Variants in CEMIP observed in about 807,000 individuals in gnomAD.
The protein encoded by CEMIP is cell migration-inducing and hyaluronan-binding protein.
A neutral mutation model predicts 156.9 loss-of-function variants in CEMIP; 105 were observed. The ratio of observed to expected loss-of-function variants is 0.67; its 90% CI spans 0.57 to 0.79. The LOEUF is 0.79. Ranked by LOEUF, CEMIP falls within the 30% of genes least tolerant of loss-of-function variation. CEMIP has a pLI of 0.00. For missense variants in CEMIP, 1,457 were observed against 1,769.4 expected, an observed-to-expected ratio of 0.82 and a Z score of 3.17; for synonymous variants, 676 against 668.4, an observed-to-expected ratio of 1.01 and a Z score of -0.17.
intron 1 of CEMIP, among the ~76,000 whole-genome samples, chr15:80,831,425 C>T (rs559395435): frequency 5.3e-5 from 8 of 152,198 alleles, no homozygotes; most frequent in South Asian, 2.1e-4. Context: ...CTTCCCAAGC[C>T]GCTGATTCCA....
At chr15:80,795,280 C>G (rs1482298772) in intron 1 of CEMIP, among the ~76,000 whole-genome samples, 1 of 151,982 alleles carries the variant, frequency 6.6e-6, no homozygotes, top group Non-Finnish European at 1.5e-5. Flanking sequence ...TGGCTGCTCT[C>G]TGTCTGGGTA....
At chr15:80,781,525 G>A (rs1426149328) in intron 1 of CEMIP, among the ~76,000 whole-genome samples, 1 of 152,114 alleles carries the variant, frequency 6.6e-6, no homozygotes, top group African/African-American at 2.4e-5. Flanking sequence ...ACTGGATGGG[G>A]CTCTTTTTGT....
chr15:80,886,391 T>G (rs1898839423), intron 7 of CEMIP, among the ~76,000 whole-genome samples: 1 of 152,302 alleles, frequency 6.6e-6, no homozygotes, highest in Non-Finnish European at 1.5e-5. Context: ...GGGGAGCTAC[T>G]GAAGGATTTA....
At chr15:80,830,661 C>T (rs1490576600) in intron 1 of CEMIP, among the ~76,000 whole-genome samples, 3 of 152,130 alleles carry the variant, frequency 2.0e-5, no homozygotes, top group Non-Finnish European at 4.4e-5. Context: ...TTTCTTTCAT[C>T]TTGTGAGCTC....
At chr15:80,848,903 C>CACACAT (rs1245790241) in intron 1 of CEMIP, among the ~76,000 whole-genome samples, 1 of 146,896 alleles carries the variant, frequency 6.8e-6, no homozygotes, top group African/African-American at 2.5e-5. Context: ...TGCGCGTGCA[C>CACACAT]ACACACACAC....
chr15:80,867,850 G>A (rs1433300064), intron 1 of CEMIP, among the ~76,000 whole-genome samples: 2 of 152,184 alleles, frequency 1.3e-5, no homozygotes, highest in Non-Finnish European at 2.9e-5. Context: ...GGAACAAGTG[G>A]CAGATGGAGG....
At chr15:80,829,990 G>GTGTGTT (rs71153552) in intron 1 of CEMIP, among the ~76,000 whole-genome samples, 27,978 of 149,214 alleles carry the variant, frequency 0.19, 2,981 homozygotes, top group East Asian at 0.36. Flanking sequence ...GTGTGTGTGT[G>GTGTGTT]TGTGTGTGTG....
intron 1 of CEMIP, among the ~76,000 whole-genome samples, chr15:80,845,982 C>T (rs529116208): frequency 1.2e-4 from 18 of 152,276 alleles, no homozygotes; most frequent in African/African-American, 3.4e-4. Context: ...GTTCTGGGCA[C>T]GCATGCCCTC....
intron 1 of CEMIP, among the ~76,000 whole-genome samples, chr15:80,839,285 C>CATGA (rs1897333152): frequency 1.7e-5 from 1 of 60,052 alleles, no homozygotes; most frequent in Non-Finnish European, 2.9e-5. Context: ...GAGTCAAGGC[C>CATGA]GTGAGTGTGT....
intron 23 of CEMIP, among the ~76,000 whole-genome samples, chr15:80,934,716 G>A (rs1486621627): frequency 1.3e-5 from 2 of 152,122 alleles, no homozygotes; most frequent in Non-Finnish European, 2.9e-5. Context: ...GAAGGAAAAG[G>A]GCCATAAGGG....
At chr15:80,877,804 C>G (rs1255215744) in intron 3 of CEMIP, among the ~76,000 whole-genome samples, 2 of 152,230 alleles carry the variant, frequency 1.3e-5, no homozygotes, top group African/African-American at 2.4e-5. Flanking sequence ...AACATTCACA[C>G]TGGTGACCAC....
chr15:80,809,978 C>A (rs1208642835), intron 1 of CEMIP, among the ~76,000 whole-genome samples: 1 of 152,174 alleles, frequency 6.6e-6, no homozygotes. Flanking sequence ...ATATCCGTAT[C>A]TTAAAGTCAA....
chr15:80,920,387 C>A, intron 15 of CEMIP, 88 bp downstream of exon 15: 1 of 1,241,604 alleles, frequency 8.1e-7, no homozygotes, highest in South Asian at 1.4e-5. Context: ...CAGCACCAGA[C>A]TTCTGCACTT....
At chr15:80,900,889 G>A (rs1324906240) in intron 12 of CEMIP, 7 of 453,506 alleles carry the variant, frequency 1.5e-5, no homozygotes, top group Non-Finnish European at 2.7e-5. Flanking sequence ...ACACGGACAC[G>A]ATCTCCCTGG....
At chr15:80,939,630 G>A (rs1467975922) in intron 25 of CEMIP, among the ~76,000 whole-genome samples, 1 of 152,186 alleles carries the variant, frequency 6.6e-6, no homozygotes, top group Non-Finnish European at 1.5e-5. Flanking sequence ...TGGTCTGCTT[G>A]TCACCTTAAG....
At chr15:80,885,747 A>C (rs1898813501) in intron 7 of CEMIP, among the ~76,000 whole-genome samples, 1 of 152,234 alleles carries the variant, frequency 6.6e-6, no homozygotes, top group Admixed American at 6.5e-5. Flanking sequence ...TAGGACAATT[A>C]AATGTGATAA....
chr15:80,786,937 T>A (rs1235228622), intron 1 of CEMIP, among the ~76,000 whole-genome samples: 1 of 152,268 alleles, frequency 6.6e-6, no homozygotes, highest in Non-Finnish European at 1.5e-5. Context: ...GCATCCTTTT[T>A]CATTGATGTC....
At position 80,906,715 on chromosome 15, in the gene CEMIP, G is replaced by T; in HGVS notation, c.1464G>T (p.Arg488=). 6.2e-7 allele frequency: 1 copy of T among 1,614,226 alleles called. No homozygotes were observed. Among genetic ancestry groups the T allele is most frequent in the Non-Finnish European group, 8.5e-7 (1 of 1,180,034 alleles). ...AGGAGATAGACGGCGTGGACATGCG[G>T]GCGGAGGTTGGGCTTCTGAGCCGGA... ...IGEEIDGVDM[R]AEVGLLSRNI... The change falls in exon 13 of 30, where the codon CGG becomes CGT. Residue 488 remains arginine, a synonymous_variant. Coordinates refer to ENST00000394685, the MANE Select transcript of CEMIP (RefSeq NM_001293298.2). This position sits in a 1 kb window ranked among gnomAD's most constrained non-coding sequence, Gnocchi z 4.3.
At position 80,841,837 on chromosome 15, in the gene CEMIP, T is replaced by C. The variant is rs1897427402; in HGVS notation, c.-175-31701T>C. ...AGATTTGGGATCACACAGACCTAGA[T>C]TCAACGCCTTCCCTAACTGGCCAAA... On this transcript the variant is annotated intron_variant, in intron 1 of 29. Coordinates refer to ENST00000394685, the MANE Select transcript of CEMIP (RefSeq NM_001293298.2). 1.7e-5 allele frequency: 4 copies of C among 237,790 alleles called. No individual in the cohort carries two copies. The South Asian group carries it at 2.2e-4, about 13-fold the overall frequency. The allele number at this position is 237,790 out of a possible 1,614,324, so 14.7% of individuals were successfully genotyped here. A position where few individuals can be genotyped will look rare whatever the true frequency, so the allele number is the denominator to read the frequency against.
Sources: allele counts gnomAD v4.1 joint callset (sites outside exome capture counted in the v4.1 genomes callset), GRCh38; gene constraint gnomAD v4.1.1; non-coding constraint Gnocchi (gnomAD v3.1); transcripts MANE v1.5; gene names NCBI Gene and HGNC (gene_info 2026-07-23, HGNC 2026-07-21).